KCTD8: variants seen among roughly 807,000 people sequenced by gnomAD.
The protein encoded by KCTD8 is potassium channel tetramerization domain containing 8.
A neutral mutation model predicts 31.5 loss-of-function variants in KCTD8; 27 were observed. The observed-to-expected ratio is 0.86, with a 90% confidence interval of 0.63 to 1.18. The LOEUF (loss-of-function observed/expected upper bound fraction) is 1.18. Among genes scored for constraint, KCTD8 ranks in the 50% most tolerant of loss-of-function variants. The pLI is 0.00. For synonymous variants in KCTD8, 290 were observed against 280.0 expected, an observed-to-expected ratio of 1.04 and a Z score of -0.36; for missense variants, 658 against 647.7, an observed-to-expected ratio of 1.02 and a Z score of -0.17.
chr4:44,269,246 A>T (rs1420829922), intron 1 of KCTD8, among the ~76,000 whole-genome samples: 1 of 152,214 alleles, frequency 6.6e-6, no homozygotes, highest in Admixed American at 6.5e-5. Flanking sequence ...CATATCTACA[A>T]CTATCTGATA....
intron 1 of KCTD8, among the ~76,000 whole-genome samples, chr4:44,406,346 C>T (rs1312388047): frequency 6.6e-6 from 1 of 152,152 alleles, no homozygotes; most frequent in Non-Finnish European, 1.5e-5. Context: ...ACCCAAATCT[C>T]ATCTTGAATT....
At chr4:44,365,102 T>A (rs974171455) in intron 1 of KCTD8, among the ~76,000 whole-genome samples, 2 of 152,164 alleles carry the variant, frequency 1.3e-5, no homozygotes, top group Admixed American at 1.3e-4. Flanking sequence ...TATTGGTTAA[T>A]CAGTTGTAAC....
intron 1 of KCTD8, among the ~76,000 whole-genome samples, chr4:44,211,038 T>C (rs914917908): frequency 2.0e-5 from 3 of 152,184 alleles, no homozygotes; most frequent in African/African-American, 7.2e-5. Flanking sequence ...GACAAGGAGC[T>C]TTCCCTTTCA....
chr4:44,227,863 C>G (rs1715009682), intron 1 of KCTD8, among the ~76,000 whole-genome samples: 1 of 152,090 alleles, frequency 6.6e-6, no homozygotes, highest in Non-Finnish European at 1.5e-5. Flanking sequence ...CACCTACACC[C>G]TTCATCCAAA....
chr4:44,237,012 T>A (rs562400330), intron 1 of KCTD8, among the ~76,000 whole-genome samples: 2 of 152,346 alleles, frequency 1.3e-5, no homozygotes, highest in African/African-American at 4.8e-5. Flanking sequence ...CACATGGAAC[T>A]GTGAGTCCAT....
chr4:44,401,638 C>T (rs890482440), intron 1 of KCTD8, among the ~76,000 whole-genome samples: 2 of 152,126 alleles, frequency 1.3e-5, no homozygotes, highest in African/African-American at 2.4e-5. Context: ...GCCTTGGTCT[C>T]CTCATCTATA....
chr4:44,190,837 C>T (rs950213094), intron 1 of KCTD8, among the ~76,000 whole-genome samples: 2 of 152,138 alleles, frequency 1.3e-5, no homozygotes, highest in African/African-American at 4.8e-5. Context: ...CACTGTTGGA[C>T]AAGTATTTTA....
intron 1 of KCTD8, among the ~76,000 whole-genome samples, chr4:44,421,470 C>T (rs1721208724): frequency 6.6e-6 from 1 of 152,092 alleles, no homozygotes; most frequent in South Asian, 2.1e-4. Context: ...ATATCTCTTG[C>T]AGAGCCCAGA....
intron 1 of KCTD8, among the ~76,000 whole-genome samples, chr4:44,429,991 T>C (rs1721435498): frequency 6.6e-6 from 1 of 151,528 alleles, no homozygotes; most frequent in African/African-American, 2.4e-5. Flanking sequence ...AGACATTTAT[T>C]GAGACTGATA....
chr4:44,285,203 C>T (rs537917727), intron 1 of KCTD8, among the ~76,000 whole-genome samples: 1 of 152,252 alleles, frequency 6.6e-6, no homozygotes, highest in South Asian at 2.1e-4. Context: ...TTCACAATAG[C>T]AAGGACTTGG....
intron 1 of KCTD8, among the ~76,000 whole-genome samples, chr4:44,313,431 C>A (rs1455869537): frequency 6.6e-6 from 1 of 152,160 alleles, no homozygotes; most frequent in Non-Finnish European, 1.5e-5. Context: ...TACCTATACT[C>A]TTTAATAAAA....
rs185314705 is a variant in KCTD8 at position 44,218,354 on chromosome 4, G to A, written c.962-43104C>T. On this transcript the variant is annotated intron_variant, in intron 1 of 1. Coordinates refer to ENST00000360029, the MANE Select transcript of KCTD8 (RefSeq NM_198353.3). ...TCGCCACATTGGCCAGGCTGGTCTC[G>A]AACTCCTGACCTCAGGTGATCTGTC... 6.0e-3 allele frequency among the ~76,000 whole-genome samples: 909 copies of A among 151,142 alleles called. 4 individuals carry two copies. The highest frequency in any genetic ancestry group is 0.021 in the African/African-American group (848 of 41,278).
intron 1 of KCTD8, among the ~76,000 whole-genome samples, chr4:44,434,703 AC>A (rs1721599814): frequency 6.6e-6 from 1 of 151,946 alleles, no homozygotes; most frequent in Non-Finnish European, 1.5e-5. Flanking sequence ...TTAAAAGCCT[AC>A]CTAACATACC....
intron 1 of KCTD8, among the ~76,000 whole-genome samples, chr4:44,386,824 T>A (rs554401200): frequency 2.0e-4 from 30 of 151,700 alleles, no homozygotes; most frequent in Non-Finnish European, 4.0e-4. Flanking sequence ...CTATTCATAA[T>A]AGCCAAGATT....
At chr4:44,337,733 T>G (rs976055296) in intron 1 of KCTD8, among the ~76,000 whole-genome samples, 9 of 151,172 alleles carry the variant, frequency 6.0e-5, no homozygotes, top group Admixed American at 3.3e-4. Context: ...TGATGCTTCA[T>G]GAAAAATTGC....
At chr4:44,316,795 G>GAAAAAAAAAAAAAAAA (rs71188270) in intron 1 of KCTD8, among the ~76,000 whole-genome samples, 2 of 40,358 alleles carry the variant, frequency 5.0e-5, no homozygotes, top group Non-Finnish European at 1.3e-4. Flanking sequence ...CTAAAAATAC[G>GAAAAAAAAAAAAAAAA]AAAAAAAAAA....
At chr4:44,180,088 T>C (rs2109329474) in intron 1 of KCTD8, among the ~76,000 whole-genome samples, 1 of 152,334 alleles carries the variant, frequency 6.6e-6, no homozygotes, top group Non-Finnish European at 1.5e-5. Flanking sequence ...CTATTAGAAA[T>C]GTCTCTGTGT....
At chr4:44,409,885 G>T (rs1013099950) in intron 1 of KCTD8, among the ~76,000 whole-genome samples, 1 of 151,134 alleles carries the variant, frequency 6.6e-6, no homozygotes, top group African/African-American at 2.4e-5. Flanking sequence ...TAACATAACA[G>T]ACAATAGGAG....
rs1349918401 is a variant in KCTD8 at position 44,181,396 on chromosome 4, C to T, written c.962-6146G>A. Among the ~76,000 whole-genome samples the T allele has an allele frequency of 2.0e-5, 3 of 152,208 alleles. No individual in the cohort carries two copies. The East Asian group carries it at 5.8e-4, about 29-fold the overall frequency. On this transcript the variant is annotated intron_variant, in intron 1 of 1. Coordinates refer to ENST00000360029, the MANE Select transcript of KCTD8 (RefSeq NM_198353.3). ...GAGTGCCTGCGATTGCAGGCGCGCA[C>T]CACCACGCCTGACTGGTTTTCGTAT... is the stretch of plus-strand genomic sequence containing the variant.
Sources: allele counts gnomAD v4.1 joint callset (sites outside exome capture counted in the v4.1 genomes callset), GRCh38; gene constraint gnomAD v4.1.1; transcripts MANE v1.5; gene names NCBI Gene and HGNC (gene_info 2026-07-23, HGNC 2026-07-21).